SLC30A8: variants seen among roughly 807,000 people sequenced by gnomAD.
The protein encoded by SLC30A8 is proton-coupled zinc antiporter SLC30A8.
Under a neutral mutation model 36.9 loss-of-function variants are expected in SLC30A8, and 27 were observed. That is an observed-to-expected ratio of 0.73 (90% CI 0.54 to 1.01). The LOEUF is 1.01. SLC30A8 is among the 50% of genes least tolerant of loss of function. SLC30A8 has a pLI of 0.00. For missense variants in SLC30A8, 439 were observed against 452.0 expected (o/e 0.97, Z 0.26); for synonymous variants, 164 against 172.4 (o/e 0.95, Z 0.38).
intron 1 of SLC30A8, among the ~76,000 whole-genome samples, chr8:117,004,274 C>G (rs888388852): frequency 1.3e-5 from 2 of 152,176 alleles, no homozygotes; most frequent in African/African-American, 4.8e-5. Context: ...TAAAGTGTCA[C>G]AAAGTTATTG....
At chr8:117,084,394 T>C (rs963073985) in intron 2 of SLC30A8, among the ~76,000 whole-genome samples, 3 of 152,124 alleles carry the variant, frequency 2.0e-5, no homozygotes, top group Admixed American at 1.3e-4. Context: ...ACATTATGAC[T>C]TTATGTATCA....
intron 2 of SLC30A8, among the ~76,000 whole-genome samples, chr8:117,110,607 A>G (rs148231072): frequency 9.9e-4 from 151 of 152,240 alleles, no homozygotes; most frequent in Non-Finnish European, 1.9e-3. Flanking sequence ...AGGGGGATAA[A>G]GTGTCCTGAG....
chr8:117,014,536 ATGGTCTTTT>A (rs1816447537), intron 1 of SLC30A8, among the ~76,000 whole-genome samples: 1 of 152,146 alleles, frequency 6.6e-6, no homozygotes, highest in African/African-American at 2.4e-5. Context: ...AAAATATAGG[ATGGTCTTTT>A]TAGGTCCCTT....
chr8:117,131,800 TTTTATACA>T (rs1310804249), upstream of SLC30A8, among the ~76,000 whole-genome samples: 1 of 151,992 alleles, frequency 6.6e-6, no homozygotes, highest in Non-Finnish European at 1.5e-5. Context: ...TGCTAAGAAC[TTTTATACA>T]TATTATCTGT....
At chr8:117,020,656 T>C (rs936416565) in intron 1 of SLC30A8, among the ~76,000 whole-genome samples, 1 of 112,936 alleles carries the variant, frequency 8.9e-6, no homozygotes, top group Admixed American at 8.3e-5. Flanking sequence ...CTGGTACATC[T>C]ATATAAAATT....
intron 1 of SLC30A8, among the ~76,000 whole-genome samples, chr8:116,966,402 C>T (rs748641393): frequency 9.2e-5 from 14 of 152,054 alleles, no homozygotes; most frequent in Non-Finnish European, 1.9e-4. Flanking sequence ...CTTTTTCAGG[C>T]CCTTTAACTG....
chr8:116,994,009 G>A (rs772917196), intron 1 of SLC30A8, among the ~76,000 whole-genome samples: 82 of 151,156 alleles, frequency 5.4e-4, no homozygotes, highest in African/African-American at 1.8e-3. Context: ...AATGGGATCT[G>A]TAATTAAAAA....
intron 1 of SLC30A8, among the ~76,000 whole-genome samples, chr8:116,999,572 T>G (rs1346275622): frequency 1.3e-5 from 2 of 152,172 alleles, no homozygotes; most frequent in Non-Finnish European, 2.9e-5. Context: ...AAAACTAGCA[T>G]TAAGAAAAAC....
At chr8:117,128,589 T>C (rs746346362) in intron 2 of SLC30A8, 6 of 152,078 alleles carry the variant, frequency 3.9e-5, no homozygotes, top group African/African-American at 9.7e-5. Flanking sequence ...CTGCCCACTG[T>C]CTACACTCTT....
At chr8:117,165,078 G>A (rs1357115558) in intron 6 of SLC30A8, among the ~76,000 whole-genome samples, 4 of 152,198 alleles carry the variant, frequency 2.6e-5, no homozygotes, top group African/African-American at 7.2e-5. Flanking sequence ...TTAGCGCAAA[G>A]AGACACATCA....
Position 117,175,004 on chromosome 8 carries a change from G to A in SLC30A8, c.*2323G>A, listed in dbSNP as rs971115294. On this transcript the variant is annotated 3_prime_UTR_variant, in exon 8 of 8. Coordinates refer to ENST00000456015, the MANE Select transcript of SLC30A8 (RefSeq NM_173851.3). ...ACTCTCCCATTACCCTTTCCCTGGT[G>A]TGGTCAGAACTCCAGGTCACTGGAA... is the stretch of plus-strand genomic sequence containing the variant. 6.6e-6 allele frequency: 1 copy of A among 152,124 alleles called. No individual in the cohort carries two copies. Among genetic ancestry groups the A allele is most frequent in the Non-Finnish European group, 1.5e-5 (1 of 68,006 alleles). The allele number at this position is 152,124 out of a possible 1,614,324, so 9.4% of individuals were successfully genotyped here. A position where few individuals can be genotyped will look rare whatever the true frequency, so the allele number is the denominator to read the frequency against.
At chr8:117,100,092 A>G (rs1277251722) in intron 2 of SLC30A8, among the ~76,000 whole-genome samples, 1 of 152,126 alleles carries the variant, frequency 6.6e-6, no homozygotes, top group Non-Finnish European at 1.5e-5. Context: ...CATATTGACA[A>G]CCATTTTGTA....
intron 1 of SLC30A8, among the ~76,000 whole-genome samples, chr8:117,037,695 A>G (rs1005902046): frequency 2.9e-4 from 44 of 152,162 alleles, no homozygotes; most frequent in African/African-American, 9.7e-4. Context: ...TAAAAACACC[A>G]CTTAGAATAA....
chr8:116,954,336 C>A (rs1814110711), intron 1 of SLC30A8, among the ~76,000 whole-genome samples: 1 of 151,978 alleles, frequency 6.6e-6, no homozygotes, highest in Non-Finnish European at 1.5e-5. Context: ...GCATTTGAAA[C>A]CCATGGCAGT....
intron 1 of SLC30A8, among the ~76,000 whole-genome samples, chr8:116,972,873 C>A (rs538577737): frequency 6.6e-6 from 1 of 152,184 alleles, no homozygotes; most frequent in Admixed American, 6.5e-5. Flanking sequence ...TAATTTTTAA[C>A]TAGGGATGTG....
chr8:117,133,394 A>C (rs1225613922), upstream of SLC30A8, among the ~76,000 whole-genome samples: 1 of 151,968 alleles, frequency 6.6e-6, no homozygotes, highest in East Asian at 1.9e-4. Flanking sequence ...ATTATATGTC[A>C]ATTATGTATG....
At chr8:117,096,221 G>C (rs976291848) in intron 2 of SLC30A8, among the ~76,000 whole-genome samples, 1 of 152,116 alleles carries the variant, frequency 6.6e-6, no homozygotes, top group African/African-American at 2.4e-5. Context: ...AGAAGGGCTG[G>C]GTTTGATGAG....
intron 2 of SLC30A8, among the ~76,000 whole-genome samples, chr8:117,063,912 T>C (rs996951341): frequency 7.2e-5 from 11 of 152,168 alleles, no homozygotes; most frequent in African/African-American, 2.7e-4. Context: ...TTGTCTTACT[T>C]TTCTATTAAG....
intron 1 of SLC30A8, among the ~76,000 whole-genome samples, chr8:116,998,619 T>C (rs1815900004): frequency 6.6e-6 from 1 of 152,136 alleles, no homozygotes; most frequent in South Asian, 2.1e-4. Context: ...GATTTGCATA[T>C]GTAATTAGTT....
Sources: allele counts gnomAD v4.1 joint callset (sites outside exome capture counted in the v4.1 genomes callset), GRCh38; gene constraint gnomAD v4.1.1; transcripts MANE v1.5; gene names NCBI Gene and HGNC (gene_info 2026-07-23, HGNC 2026-07-21).